Variants in MAGI2 observed in about 807,000 individuals in gnomAD.
MAGI2 encodes the protein membrane-associated guanylate kinase, WW and PDZ domain-containing protein 2.
In MAGI2, 35 loss-of-function variants were observed where a neutral mutation model predicts 133.3. The observed-to-expected ratio is 0.26, with a 90% CI of 0.20 to 0.35. The LOEUF (loss-of-function observed/expected upper bound fraction) is 0.35, where lower values mean the gene tolerates loss of function less well. Among genes scored for constraint, MAGI2 ranks in the 10% least tolerant of loss-of-function variants. The pLI is 1.00. For missense variants in MAGI2, 1,636 were observed against 1,863.4 expected (o/e 0.88, Z 2.25); for synonymous variants, 729 against 710.6 (o/e 1.03, Z -0.41).
At chr7:78,292,085 C>T (rs1395988556) in intron 9 of MAGI2, among the ~76,000 whole-genome samples, 1 of 152,052 alleles carries the variant, frequency 6.6e-6, no homozygotes, top group Admixed American at 6.6e-5. Flanking sequence ...CTGGCCAGGG[C>T]AATCAGGCAG....
chr7:78,338,417 C>T (rs556078311), intron 9 of MAGI2, among the ~76,000 whole-genome samples: 1 of 152,320 alleles, frequency 6.6e-6, no homozygotes, highest in South Asian at 2.1e-4. Flanking sequence ...AAGCACCTCC[C>T]AGCAGAACGG....
chr7:78,981,284 C>A, intron 2 of MAGI2, among the ~76,000 whole-genome samples: 1 of 151,352 alleles, frequency 6.6e-6, no homozygotes. Flanking sequence ...ATTTCAATTC[C>A]TCTCCTCTCC....
chr7:78,209,203 C>A (rs1488998518), intron 10 of MAGI2, among the ~76,000 whole-genome samples: 1 of 20,848 alleles, frequency 4.8e-5, no homozygotes, highest in Non-Finnish European at 1.2e-4. Flanking sequence ...CCCTGGGCGA[C>A]AGAGCAAGAC....
intron 2 of MAGI2, among the ~76,000 whole-genome samples, chr7:78,690,616 A>T (rs1187369476): frequency 1.3e-5 from 2 of 152,208 alleles, no homozygotes; most frequent in Non-Finnish European, 2.9e-5. Context: ...GAGAGCACAC[A>T]AAAGATACTG....
chr7:78,610,247 C>T (rs1370040084), intron 3 of MAGI2, among the ~76,000 whole-genome samples: 1 of 152,176 alleles, frequency 6.6e-6, no homozygotes, highest in East Asian at 1.9e-4. Context: ...TTCTACTGTT[C>T]TATCAATCCA....
chr7:78,822,678 C>T (rs1584031178), intron 2 of MAGI2, among the ~76,000 whole-genome samples: 1 of 152,022 alleles, frequency 6.6e-6, no homozygotes, highest in East Asian at 1.9e-4. Flanking sequence ...GTATATACTA[C>T]TAAAAAGTTT....
intron 2 of MAGI2, among the ~76,000 whole-genome samples, chr7:78,889,796 G>A (rs956641105): frequency 1.3e-5 from 2 of 152,124 alleles, no homozygotes; most frequent in South Asian, 2.1e-4. Context: ...GAAGACCATT[G>A]AGGCTAGGAA....
intron 1 of MAGI2, among the ~76,000 whole-genome samples, chr7:79,115,854 G>GTTTTTTTTTTTTT (rs59398227): frequency 4.3e-5 from 4 of 93,944 alleles, no homozygotes; most frequent in African/African-American, 1.7e-4. Flanking sequence ...ATGTTTTAAA[G>GTTTTTTTTTTTTT]TTTTTTTTTT....
chr7:78,810,163 T>C (rs372508945), intron 2 of MAGI2, among the ~76,000 whole-genome samples: 5 of 152,242 alleles, frequency 3.3e-5, no homozygotes, highest in African/African-American at 1.2e-4. Flanking sequence ...GTTTTCCTGA[T>C]AAGTTATAGA....
intron 10 of MAGI2, among the ~76,000 whole-genome samples, chr7:78,216,680 G>T (rs1330253593): frequency 6.6e-6 from 1 of 152,090 alleles, no homozygotes; most frequent in East Asian, 1.9e-4. Flanking sequence ...TTTGCTCCAG[G>T]GTCACTTCAG....
intron 3 of MAGI2, among the ~76,000 whole-genome samples, chr7:78,574,829 G>A (rs760660009): frequency 1.3e-5 from 2 of 152,206 alleles, no homozygotes; most frequent in African/African-American, 2.4e-5. Context: ...CATTGGCAAG[G>A]TGATGACGGT....
At chr7:78,521,142 T>C (rs1014250100) in intron 4 of MAGI2, among the ~76,000 whole-genome samples, 1 of 152,048 alleles carries the variant, frequency 6.6e-6, no homozygotes, top group Non-Finnish European at 1.5e-5. Flanking sequence ...ACTAATATTA[T>C]ATAATTGAAA....
At chr7:78,980,596 A>T (rs1400524327) in intron 2 of MAGI2, among the ~76,000 whole-genome samples, 1 of 151,828 alleles carries the variant, frequency 6.6e-6, no homozygotes, top group Non-Finnish European at 1.5e-5. Context: ...GTTTAATTCC[A>T]TCTTATATTT....
intron 1 of MAGI2, among the ~76,000 whole-genome samples, chr7:79,350,310 G>T (rs760902937): frequency 6.6e-6 from 1 of 152,086 alleles, no homozygotes; most frequent in African/African-American, 2.4e-5. Context: ...GTCTGGTAAT[G>T]ATACAACAGT....
intron 13 of MAGI2, among the ~76,000 whole-genome samples, chr7:78,181,272 TG>T (rs761112736): frequency 1.3e-5 from 2 of 152,192 alleles, no homozygotes; most frequent in Admixed American, 6.5e-5. Context: ...TCCTTTCTCT[TG>T]TTTCAAGAAA....
At chr7:78,298,170 C>G (rs1472109244) in intron 9 of MAGI2, among the ~76,000 whole-genome samples, 3 of 151,984 alleles carry the variant, frequency 2.0e-5, no homozygotes, top group African/African-American at 7.2e-5. Context: ...AATTGGGGAG[C>G]ATTCTACAAA....
chr7:78,643,524 A>C lies in MAGI2; in HGVS notation c.419-16285T>G, dbSNP rs552501688. On this transcript the variant is annotated intron_variant, in intron 2 of 21. Coordinates refer to ENST00000354212, the MANE Select transcript of MAGI2 (RefSeq NM_012301.4). ...TTGAGGCCTATAATGGCTGACAGAC[A>C]AAAGTGAAATAAAATCTATTTCATC... Among the ~76,000 whole-genome samples, 3 of 152,296 alleles carry C rather than the reference A, an allele frequency of 2.0e-5. No individual in the cohort carries two copies. The East Asian group carries it at 5.8e-4, about 29-fold the overall frequency.
At chr7:79,250,348 CA>C (rs61147108) in intron 1 of MAGI2, among the ~76,000 whole-genome samples, 301 of 130,476 alleles carry the variant, frequency 2.3e-3, no homozygotes, top group African/African-American at 6.7e-3. Context: ...ATGACTCTAC[CA>C]AAAAAAAAAA....
intron 2 of MAGI2, among the ~76,000 whole-genome samples, chr7:78,832,602 G>C (rs1302281624): frequency 6.6e-6 from 1 of 152,188 alleles, no homozygotes; most frequent in Non-Finnish European, 1.5e-5. Context: ...GGCTTCTGTT[G>C]AGTTTGACCG....
Sources: gnomAD v4.1 joint callset for allele counts (sites outside exome capture counted in the v4.1 genomes callset) on GRCh38, gnomAD v4.1.1 for gene constraint, MANE v1.5 for transcripts, NCBI Gene and HGNC (gene_info 2026-07-23, HGNC 2026-07-21) for gene names.